TAFA2: variants seen among roughly 807,000 people sequenced by gnomAD.
The protein encoded by TAFA2 is TAFA chemokine like family member 2.
In TAFA2, 7 loss-of-function variants were observed where a neutral mutation model predicts 18.8. The ratio of observed to expected loss-of-function variants is 0.37; its 90% CI spans 0.21 to 0.70. TAFA2 has a LOEUF of 0.70. Ranked by LOEUF, TAFA2 falls within the 30% of genes least tolerant of loss-of-function variation. TAFA2 has a pLI of 0.53. For synonymous variants in TAFA2, 60 were observed against 54.2 expected (o/e 1.11, Z -0.47); for missense variants, 122 against 158.1 (o/e 0.77, Z 1.23).
chr12:61,926,672 A>C (rs953950294), intron 1 of TAFA2, among the ~76,000 whole-genome samples: 1 of 152,164 alleles, frequency 6.6e-6, no homozygotes, highest in African/African-American at 2.4e-5. Flanking sequence ...ACTCTCAATA[A>C]ATTAGGTATT....
At chr12:61,971,533 A>G (rs1264912640) in intron 1 of TAFA2, among the ~76,000 whole-genome samples, 1 of 151,816 alleles carries the variant, frequency 6.6e-6, no homozygotes, top group Non-Finnish European at 1.5e-5. Context: ...AACATGGAAT[A>G]CTATGCAGCC....
chr12:62,250,346 C>A (rs971347160), intron 1 of TAFA2, among the ~76,000 whole-genome samples: 1 of 152,060 alleles, frequency 6.6e-6, no homozygotes, highest in African/African-American at 2.4e-5. Context: ...AAGGAACTAT[C>A]TTTTCTTTTT....
intron 1 of TAFA2, among the ~76,000 whole-genome samples, chr12:62,133,027 TTTGTG>T (rs2136896885): frequency 6.6e-6 from 1 of 152,108 alleles, no homozygotes; most frequent in Non-Finnish European, 1.5e-5. Flanking sequence ...GGAATAATTA[TTTGTG>T]GTACAGGCCC....
At chr12:61,990,275 G>T (rs1230779445) in intron 1 of TAFA2, among the ~76,000 whole-genome samples, 1 of 148,796 alleles carries the variant, frequency 6.7e-6, no homozygotes, top group Non-Finnish European at 1.5e-5. Context: ...TGGACCATTT[G>T]TTAGTTTATT....
At chr12:61,905,048 G>A (rs1390609882) in intron 1 of TAFA2, among the ~76,000 whole-genome samples, 1 of 152,006 alleles carries the variant, frequency 6.6e-6, no homozygotes, top group Admixed American at 6.6e-5. Context: ...ACATTCAAAA[G>A]GTTTTGCTCC....
intron 2 of TAFA2, among the ~76,000 whole-genome samples, chr12:61,864,946 CAATA>C (rs1016765398): frequency 5.9e-5 from 9 of 152,038 alleles, no homozygotes; most frequent in Non-Finnish European, 1.0e-4. Context: ...AATTAATTCA[CAATA>C]AATAGAAAGT....
intron 1 of TAFA2, among the ~76,000 whole-genome samples, chr12:61,984,698 T>C (rs1370380407): frequency 6.6e-6 from 1 of 152,192 alleles, no homozygotes; most frequent in Non-Finnish European, 1.5e-5. Flanking sequence ...ATGTAATCAA[T>C]GTGCATAAAT....
At chr12:62,090,962 C>T (rs1362796819) in intron 1 of TAFA2, among the ~76,000 whole-genome samples, 1 of 151,946 alleles carries the variant, frequency 6.6e-6, no homozygotes, top group African/African-American at 2.4e-5. Context: ...GATACTTATG[C>T]CTATTTTCCA....
At chr12:62,110,099 A>G (rs1869653508) in intron 1 of TAFA2, among the ~76,000 whole-genome samples, 1 of 152,144 alleles carries the variant, frequency 6.6e-6, no homozygotes, top group Non-Finnish European at 1.5e-5. Context: ...ATTCAGTATG[A>G]TATTGGCTGT....
At chr12:61,769,268 T>C (rs1869922788) in intron 2 of TAFA2, among the ~76,000 whole-genome samples, 1 of 151,198 alleles carries the variant, frequency 6.6e-6, no homozygotes, top group Non-Finnish European at 1.5e-5. Flanking sequence ...ACCCCGGTAG[T>C]CAAAGACAGT....
chr12:62,098,127 G>T (rs556071262), intron 1 of TAFA2, among the ~76,000 whole-genome samples: 1 of 151,994 alleles, frequency 6.6e-6, no homozygotes, highest in Non-Finnish European at 1.5e-5. Flanking sequence ...TTTATCACCC[G>T]GGTCCTTAAC....
intron 1 of TAFA2, among the ~76,000 whole-genome samples, chr12:62,156,727 T>C (rs1211009140): frequency 6.6e-6 from 1 of 152,144 alleles, no homozygotes; most frequent in Non-Finnish European, 1.5e-5. Context: ...TCATATGCTC[T>C]CACTGATATG....
chr12:61,993,479 G>C (rs1880078803), intron 1 of TAFA2, among the ~76,000 whole-genome samples: 1 of 152,148 alleles, frequency 6.6e-6, no homozygotes, highest in Non-Finnish European at 1.5e-5. Context: ...GATTGAGAAT[G>C]TTCATAGCAA....
chr12:62,058,826 G>T (rs913355105), intron 1 of TAFA2, among the ~76,000 whole-genome samples: 1 of 152,154 alleles, frequency 6.6e-6, no homozygotes, highest in African/African-American at 2.4e-5. Flanking sequence ...ATCTGAGTGC[G>T]GGTGCAATGG....
intron 1 of TAFA2, among the ~76,000 whole-genome samples, chr12:61,961,767 G>A (rs1300946250): frequency 6.6e-6 from 1 of 151,962 alleles, no homozygotes; most frequent in Non-Finnish European, 1.5e-5. Flanking sequence ...GTGTTTGTTT[G>A]TTTGTCCGGA....
intron 1 of TAFA2, among the ~76,000 whole-genome samples, chr12:62,245,995 T>C (rs1259906142): frequency 1.3e-5 from 2 of 150,560 alleles, no homozygotes; most frequent in African/African-American, 2.4e-5. Flanking sequence ...TATTCCTTTT[T>C]TTTTTTTTTG....
chr12:61,966,029 G>T (rs903327075), intron 1 of TAFA2, among the ~76,000 whole-genome samples: 4 of 151,740 alleles, frequency 2.6e-5, no homozygotes, highest in African/African-American at 7.3e-5. Flanking sequence ...GTGAACGTGG[G>T]GGTATAATTA....
chr12:62,258,491 G>A (rs2062952721), intron 1 of TAFA2: 1 of 153,552 alleles, frequency 6.5e-6, no homozygotes, highest in Non-Finnish European at 1.5e-5. Context: ...TTTATACAAT[G>A]AAGGAGAGCA....
chr12:61,884,740 CTG>C (rs1875297697), intron 1 of TAFA2, among the ~76,000 whole-genome samples: 1 of 152,024 alleles, frequency 6.6e-6, no homozygotes, highest in African/African-American at 2.4e-5. Flanking sequence ...CCAATTTGCA[CTG>C]TGTCTTAAAA....
Sources: allele counts gnomAD v4.1 joint callset (sites outside exome capture counted in the v4.1 genomes callset), GRCh38; gene constraint gnomAD v4.1.1; transcripts MANE v1.5; gene names NCBI Gene and HGNC (gene_info 2026-07-23, HGNC 2026-07-21).